Variants in WDR7 observed in about 807,000 individuals in gnomAD.
WDR7 encodes the protein WD repeat-containing protein 7.
In WDR7, 46 loss-of-function variants were observed where a neutral mutation model predicts 169.4. The ratio of observed to expected loss-of-function variants is 0.27; its 90% confidence interval spans 0.21 to 0.35. The LOEUF (loss-of-function observed/expected upper bound fraction) is 0.35, where lower values mean the gene tolerates loss of function less well. WDR7 is among the 10% of genes least tolerant of loss of function. The probability of loss-of-function intolerance (pLI) is 1.00; values close to 1 mark genes in which losing one functional copy is unlikely to be tolerated. For synonymous variants in WDR7, 612 were observed against 666.8 expected, an observed-to-expected ratio of 0.92 and a Z score of 1.27; for missense variants, 1,534 against 1,859.3, an observed-to-expected ratio of 0.83 and a Z score of 3.22.
chr18:56,725,320 T>A (rs1342244663), intron 13 of WDR7, among the ~76,000 whole-genome samples: 1 of 151,114 alleles, frequency 6.6e-6, no homozygotes, highest in Non-Finnish European at 1.5e-5. Flanking sequence ...ACCTGTTGTT[T>A]CCTGACTTTT....
At chr18:56,775,683 G>A (rs569651694) in intron 16 of WDR7, among the ~76,000 whole-genome samples, 2 of 151,908 alleles carry the variant, frequency 1.3e-5, no homozygotes, top group Non-Finnish European at 1.5e-5. Flanking sequence ...GTTGCTTTTT[G>A]TGTTATTTTT....
chr18:57,009,141 A>G (rs2048104730), intron 26 of WDR7, among the ~76,000 whole-genome samples: 1 of 152,250 alleles, frequency 6.6e-6, no homozygotes, highest in African/African-American at 2.4e-5. Flanking sequence ...TATATTGCAT[A>G]TTTTATGAAT....
chr18:56,672,234 C>CT, intron 1 of WDR7, among the ~76,000 whole-genome samples: 1 of 152,108 alleles, frequency 6.6e-6, no homozygotes, highest in East Asian at 1.9e-4. Flanking sequence ...CTGTGAATGC[C>CT]TGGGGTAAAG....
chr18:56,947,083 C>T (rs1370844081), intron 25 of WDR7, among the ~76,000 whole-genome samples: 1 of 152,196 alleles, frequency 6.6e-6, no homozygotes, highest in East Asian at 1.9e-4. Flanking sequence ...GTAGCACACA[C>T]ATCCTTCAAA....
intron 19 of WDR7, among the ~76,000 whole-genome samples, chr18:56,786,821 T>C (rs1197410309): frequency 6.6e-6 from 1 of 151,914 alleles, no homozygotes; most frequent in East Asian, 2.0e-4. Context: ...GCCCTCAGTC[T>C]TTAGCATGTT....
chr18:56,688,914 A>G (rs553170034), intron 7 of WDR7, among the ~76,000 whole-genome samples: 1 of 152,302 alleles, frequency 6.6e-6, no homozygotes, highest in African/African-American at 2.4e-5. Flanking sequence ...TAAAAAGACA[A>G]CTCACGTAGT....
intron 20 of WDR7, among the ~76,000 whole-genome samples, chr18:56,872,006 T>C (rs1301091419): frequency 1.3e-5 from 2 of 152,104 alleles, no homozygotes; most frequent in African/African-American, 4.8e-5. Flanking sequence ...GTTCTGAAAG[T>C]ATTCTCGGAG....
At chr18:56,714,480 C>G (rs1398173563) in intron 12 of WDR7, among the ~76,000 whole-genome samples, 1 of 149,172 alleles carries the variant, frequency 6.7e-6, no homozygotes, top group Non-Finnish European at 1.5e-5. Flanking sequence ...AGTCTCACTC[C>G]GTCATCCAGG....
chr18:56,998,864 A>T (rs2047935265), intron 26 of WDR7, among the ~76,000 whole-genome samples: 1 of 152,342 alleles, frequency 6.6e-6, no homozygotes, highest in South Asian at 2.1e-4. Flanking sequence ...TTAAAAATTT[A>T]AAAATACTGA....
At chr18:56,968,841 CT>C (rs1413660424) in intron 26 of WDR7, among the ~76,000 whole-genome samples, 1 of 152,170 alleles carries the variant, frequency 6.6e-6, no homozygotes, top group East Asian at 1.9e-4. Context: ...GCATTGTCAC[CT>C]GCCTTGGTTT....
intron 19 of WDR7, among the ~76,000 whole-genome samples, chr18:56,789,871 A>G (rs893474184): frequency 6.6e-6 from 1 of 152,238 alleles, no homozygotes; most frequent in African/African-American, 2.4e-5. Flanking sequence ...TAAGTCTAAG[A>G]GGACTGTTTT....
At chr18:56,666,115 C>T (rs1053399395) in intron 1 of WDR7, among the ~76,000 whole-genome samples, 12 of 151,082 alleles carry the variant, frequency 7.9e-5, no homozygotes, top group African/African-American at 2.7e-4. Flanking sequence ...AGCTCTCTCA[C>T]CAGTTGGGTC....
rs112418731 is a variant in WDR7, at chr18:56,651,529, C to G, written c.-67C>G. ...TTGTCCTCCTTGGCTGGGGCGCCCA[C>G]CGGCGGTCTGATAGGCTACATCGCG... On this transcript the variant is annotated 5_prime_UTR_variant, in exon 1 of 28. Coordinates refer to ENST00000254442, the MANE Select transcript of WDR7 (RefSeq NM_015285.3). The G allele has an allele frequency of 2.0e-5, 3 of 152,544 alleles. No homozygotes were observed. The highest frequency in any genetic ancestry group is 6.5e-5 in the Admixed American group (1 of 15,290). The allele number at this position is 152,544 out of a possible 1,614,324, so 9.4% of individuals were successfully genotyped here. A position where few individuals can be genotyped will look rare whatever the true frequency, so the allele number is the denominator to read the frequency against.
intron 19 of WDR7, among the ~76,000 whole-genome samples, chr18:56,799,211 GGAATTCAT>G (rs748686188): frequency 3.9e-5 from 6 of 152,148 alleles, no homozygotes; most frequent in Non-Finnish European, 8.8e-5. Context: ...GAGGTGCCAA[GGAATTCAT>G]TTAAAAGAGA....
intron 26 of WDR7, among the ~76,000 whole-genome samples, chr18:57,018,335 A>G (rs1309845652): frequency 6.6e-6 from 1 of 152,254 alleles, no homozygotes. Context: ...ATCCCAGAGC[A>G]TGGAAGAAAC....
chr18:56,805,597 C>G (rs2044759942), intron 19 of WDR7, among the ~76,000 whole-genome samples: 1 of 152,026 alleles, frequency 6.6e-6, no homozygotes, highest in African/African-American at 2.4e-5. Flanking sequence ...GCTTCTGGCT[C>G]TACCCAAAAC....
intron 16 of WDR7, among the ~76,000 whole-genome samples, chr18:56,764,501 A>C (rs769496774): frequency 3.9e-5 from 6 of 152,158 alleles, no homozygotes; most frequent in Non-Finnish European, 8.8e-5. Flanking sequence ...AAATCTAGCT[A>C]ATTAACATAT....
chr18:56,653,362 A>G (rs932708931), intron 1 of WDR7, among the ~76,000 whole-genome samples: 7 of 152,036 alleles, frequency 4.6e-5, no homozygotes, highest in African/African-American at 1.2e-4. Flanking sequence ...CTGTGCCACC[A>G]TGCCTGGCTA....
At chr18:56,797,474 A>G (rs1337559712) in intron 19 of WDR7, among the ~76,000 whole-genome samples, 1 of 152,074 alleles carries the variant, frequency 6.6e-6, no homozygotes, top group Non-Finnish European at 1.5e-5. Flanking sequence ...AGTTCCATGT[A>G]GTTTTTAAAA....
Sources: gnomAD v4.1 joint callset for allele counts (sites outside exome capture counted in the v4.1 genomes callset) on GRCh38, gnomAD v4.1.1 for gene constraint, MANE v1.5 for transcripts, NCBI Gene and HGNC (gene_info 2026-07-23, HGNC 2026-07-21) for gene names.